CPE: variants seen among roughly 807,000 people sequenced by gnomAD.
CPE encodes carbocypeptidase E.
In CPE, 17 loss-of-function variants were observed where a neutral mutation model predicts 53.5. That is an observed-to-expected ratio of 0.32 (90% CI 0.22 to 0.48). The LOEUF is 0.48. Among genes scored for constraint, CPE ranks in the 20% least tolerant of loss-of-function variants. CPE has a pLI of 0.99. For missense variants in CPE, 524 were observed against 614.7 expected (o/e 0.85, Z 1.56); for synonymous variants, 226 against 228.8 (o/e 0.99, Z 0.11).
chr4:165,470,594 C>G (rs1039505137), intron 3 of CPE, among the ~76,000 whole-genome samples: 4 of 152,128 alleles, frequency 2.6e-5, no homozygotes, highest in African/African-American at 9.7e-5. Context: ...GCACTTGCTG[C>G]AACCAATTAT....
At chr4:165,431,918 CAA>C (rs919540918) in intron 1 of CPE, among the ~76,000 whole-genome samples, 15 of 152,002 alleles carry the variant, frequency 9.9e-5, no homozygotes, top group Non-Finnish European at 2.2e-4. Context: ...GGTAACAAGA[CAA>C]GAGAGATGAG....
chr4:165,410,241 T>TA (rs70955614), intron 1 of CPE, among the ~76,000 whole-genome samples: 35,194 of 119,484 alleles, frequency 0.29, 4,890 homozygotes, highest in Middle Eastern at 0.41. Context: ...GGATACTCTG[T>TA]AAAAAAAAAA....
chr4:165,384,102 A>C (rs1730547525), intron 1 of CPE, among the ~76,000 whole-genome samples: 1 of 152,216 alleles, frequency 6.6e-6, no homozygotes, highest in African/African-American at 2.4e-5. Context: ...ACGGGGCGAA[A>C]TCCTATTTCT....
intron 1 of CPE, among the ~76,000 whole-genome samples, chr4:165,394,139 A>T (rs889943329): frequency 1.3e-5 from 2 of 152,094 alleles, no homozygotes; most frequent in Admixed American, 6.6e-5. Flanking sequence ...GAAATAATGG[A>T]TGGGGACATC....
chr4:165,407,061 GT>G (rs796819968), intron 1 of CPE, among the ~76,000 whole-genome samples: 2 of 152,044 alleles, frequency 1.3e-5, no homozygotes, highest in Admixed American at 1.3e-4. Context: ...TTATGTGCAA[GT>G]TTTTTTTGTG....
At chr4:165,493,847 T>G (rs562737811) in intron 7 of CPE, among the ~76,000 whole-genome samples, 3 of 152,304 alleles carry the variant, frequency 2.0e-5, no homozygotes, top group African/African-American at 7.2e-5. Context: ...TTCCCCAGTT[T>G]GAGGAAAATG....
chr4:165,493,125 A>C lies in CPE; in HGVS notation c.1114-46A>C, dbSNP rs1205630373. 2.4e-6 allele frequency: 3 copies of C among 1,256,278 alleles called. No homozygotes were observed. In the South Asian group the frequency reaches 3.7e-5, roughly 16 times the overall value. 77.8% of individuals were successfully genotyped at this position (1,256,278 alleles called of 1,614,324 possible). A position where few individuals can be genotyped will look rare whatever the true frequency, so the allele number is the denominator to read the frequency against. On this transcript the variant is annotated intron_variant, in intron 6 of 8. Coordinates refer to ENST00000402744, the MANE Select transcript of CPE (RefSeq NM_001873.4). ...AAACATATTTAAGGCCATTTCTATA[A>C]ATTTATAGGTCATATTAATTTTTTG...
chr4:165,467,689 C>A lies in CPE; in HGVS notation c.506C>A (p.Pro169His). 2 of 1,563,296 alleles carry A rather than the reference C, an allele frequency of 1.3e-6. No homozygotes were observed. The highest frequency in any genetic ancestry group is 8.6e-7 in the Non-Finnish European group (1 of 1,161,164). ...TCTCTTTGACTTTTTTTTTTTTAGCCTGGTGAACTCAAGGACTGGTTTGTG... is the reference window on the plus strand; with the variant it reads ...TCTCTTTGACTTTTTTTTTTTTAGCATGGTGAACTCAAGGACTGGTTTGTG... ...PDGFEKAASQPGELKDWFVGR... is the reference protein window; with the variant it reads ...PDGFEKAASQHGELKDWFVGR... Residue 169 changes from proline (P) to histidine (H), a missense_variant and splice_region_variant, in exon 3 of 9, where the codon CCT becomes CAT. Physicochemically the swap from Pro to His is moderately conservative, Grantham distance 77. Coordinates refer to ENST00000402744, the MANE Select transcript of CPE (RefSeq NM_001873.4).
chr4:165,479,434 T>C (rs116614600), intron 3 of CPE, among the ~76,000 whole-genome samples: 48 of 152,316 alleles, frequency 3.2e-4, no homozygotes, highest in African/African-American at 1.1e-3. Context: ...TAGAAAACTT[T>C]CGTAAGGATG....
intron 1 of CPE, among the ~76,000 whole-genome samples, chr4:165,399,661 C>T (rs926123582): frequency 6.6e-6 from 1 of 152,118 alleles, no homozygotes; most frequent in Admixed American, 6.5e-5. Context: ...TGTGAGCCAC[C>T]GTGCCTGGCC....
In CPE at chr4:165,411,646, G is replaced by A. The variant is rs186558277; in HGVS notation, c.307+32118G>A. On this transcript the variant is annotated intron_variant, in intron 1 of 8. Transcript: ENST00000402744. ...AGCTCACATGGAAACCTTGTGATGC[G>A]CTTGAGGGGGTTTTCTCATGGAGAC... is the stretch of plus-strand genomic sequence containing the variant. 3.8e-4 allele frequency among the ~76,000 whole-genome samples: 58 copies of A among 152,278 alleles called. 1 individual carries two copies. The highest frequency in any genetic ancestry group is 4.6e-4 in the Admixed American group (7 of 15,300).
chr4:165,444,922 A>G (rs545119939), intron 1 of CPE, among the ~76,000 whole-genome samples: 2 of 150,720 alleles, frequency 1.3e-5, no homozygotes, highest in South Asian at 2.1e-4. Flanking sequence ...AACTTCTTCC[A>G]TATGTATTAT....
intron 7 of CPE, 86 bp downstream of exon 7, chr4:165,493,356 T>G (rs1732642718): frequency 1.0e-6 from 1 of 957,264 alleles, no homozygotes; most frequent in East Asian, 2.7e-5. Flanking sequence ...TATGTTCTTC[T>G]AAGCAAAACA....
intron 1 of CPE, chr4:165,404,890 T>G: frequency 2.6e-6 from 2 of 762,320 alleles, no homozygotes; most frequent in East Asian, 2.5e-5. Context: ...TCTCAGGTCT[T>G]TTGCTGACAG....
chr4:165,434,614 G>T (rs1018293068), intron 1 of CPE, among the ~76,000 whole-genome samples: 5 of 152,086 alleles, frequency 3.3e-5, no homozygotes, highest in African/African-American at 1.2e-4. Flanking sequence ...CACTAATATG[G>T]CACCTGGCAC....
chr4:165,394,049 T>G (rs1282392639), intron 1 of CPE, among the ~76,000 whole-genome samples: 1 of 151,794 alleles, frequency 6.6e-6, no homozygotes, highest in Non-Finnish European at 1.5e-5. Flanking sequence ...ATGTAGAGAG[T>G]CAGAGGGTAT....
intron 1 of CPE, among the ~76,000 whole-genome samples, chr4:165,387,264 G>C (rs1730608776): frequency 6.6e-6 from 1 of 152,158 alleles, no homozygotes; most frequent in Non-Finnish European, 1.5e-5. Flanking sequence ...GAGTATTAAA[G>C]AGATGGCTGT....
chr4:165,438,875 G>T (rs1325706668), intron 1 of CPE, among the ~76,000 whole-genome samples: 1 of 152,172 alleles, frequency 6.6e-6, no homozygotes, highest in Non-Finnish European at 1.5e-5. Flanking sequence ...GATGTGCACG[G>T]ATGGCAAAAA....
At chr4:165,459,362 C>T (rs952099587) in intron 1 of CPE, among the ~76,000 whole-genome samples, 4 of 152,042 alleles carry the variant, frequency 2.6e-5, no homozygotes, top group Non-Finnish European at 2.9e-5. Context: ...TTCTGTGATA[C>T]GGATGGAAAA....
Sources: allele counts gnomAD v4.1 joint callset (sites outside exome capture counted in the v4.1 genomes callset), GRCh38; gene constraint gnomAD v4.1.1; transcripts MANE v1.5; gene names NCBI Gene and HGNC (gene_info 2026-07-23, HGNC 2026-07-21).